FAM234A: variants seen among roughly 807,000 people sequenced by gnomAD.
The protein encoded by FAM234A is family with sequence similarity 234 member A, also known as protein FAM234A.
Under a neutral mutation model 49.1 loss-of-function variants are expected in FAM234A, and 42 were observed. The ratio of observed to expected loss-of-function variants is 0.86; its 90% CI spans 0.67 to 1.11. FAM234A has a LOEUF of 1.11. Ranked by LOEUF, FAM234A falls within the 50% of genes least tolerant of loss-of-function variation. The pLI is 0.00. For missense variants in FAM234A, 815 were observed against 745.2 expected, an observed-to-expected ratio of 1.09 and a Z score of -1.09; for synonymous variants, 369 against 316.2, an observed-to-expected ratio of 1.17 and a Z score of -1.77.
intron 9 of FAM234A, 74 bp downstream of exon 9, chr16:263,476 C>T (rs548256487): frequency 1.3e-5 from 21 of 1,573,514 alleles, no homozygotes; most frequent in African/African-American, 5.4e-5. Context: ...CGTTGGCTGG[C>T]GAGGAGACAG....
chr16:257,394 C>T lies in FAM234A; in HGVS notation c.269-2089C>T, dbSNP rs542802757. ...CCAAGTAGCTGGGATTACAGGTGCC[C>T]GCCTCCATGCCTGGCTAATGTATGT... On this transcript the variant is annotated intron_variant, in intron 3 of 12. Transcript: ENST00000399932. Among the ~76,000 whole-genome samples the T allele has an allele frequency of 2.0e-4, 30 of 151,484 alleles. No individual in the cohort carries two copies. The East Asian group carries it at 2.3e-3, about 12-fold the overall frequency.
intron 7 of FAM234A, 53 bp from the exon 8 acceptor site, chr16:262,371 C>A: frequency 6.4e-7 from 1 of 1,558,306 alleles, no homozygotes; most frequent in South Asian, 1.2e-5. Context: ...TGCCCCTGGT[C>A]CGGGTTCACA....
At chr16:257,400 C>T (rs1408835397) in intron 3 of FAM234A, among the ~76,000 whole-genome samples, 1 of 151,746 alleles carries the variant, frequency 6.6e-6, no homozygotes, top group African/African-American at 2.4e-5. Context: ...TGCCCGCCTC[C>T]ATGCCTGGCT....
intron 10 of FAM234A, 86 bp from the exon 11 acceptor site, chr16:263,930 G>T: frequency 6.7e-7 from 1 of 1,489,524 alleles, no homozygotes; most frequent in South Asian, 1.2e-5. Context: ...GGGCTGGCAT[G>T]GCTGAGGGCA....
chr16:268,790 A>G (rs2051785796), downstream of FAM234A: 4 of 1,550,118 alleles, frequency 2.6e-6, no homozygotes, highest in Non-Finnish European at 2.6e-6. Flanking sequence ...ACACTGGGCG[A>G]CAGCGGAGAG....
Position 262,516 on chromosome 16 carries a change from A to C in FAM234A, c.934A>C (p.Met312Leu), listed in dbSNP as rs775331747. Residue 312 changes from methionine (M) to leucine (L), a missense_variant, in exon 8 of 13, where the codon ATG (methionine) becomes CTG (leucine). Physicochemically the swap from Met to Leu is conservative, Grantham distance 15 (BLOSUM62 2). Transcript: ENST00000399932. ...CAAGAGTGACCCGCACTGGGAGAGC[A>C]TGCTCAATGCCACCACCCGCAGGAT... ...PFKSDPHWES[M>L]LNATTRRMLS... is the part of the protein sequence containing the mutation. The C allele has an allele frequency of 1.3e-5, 21 of 1,611,220 alleles. No individual in the cohort carries two copies. In the Admixed American group the frequency reaches 2.7e-4, roughly 21 times the overall value.
chr16:245,969 G>A (rs2141216351), intron 1 of FAM234A, among the ~76,000 whole-genome samples: 1 of 152,128 alleles, frequency 6.6e-6, no homozygotes, highest in Admixed American at 6.6e-5. Context: ...CACTTTGAGA[G>A]GCTTAGGTGG....
chr16:237,850 C>T (rs1036849181), intron 1 of FAM234A, among the ~76,000 whole-genome samples: 1 of 151,092 alleles, frequency 6.6e-6, no homozygotes, highest in Non-Finnish European at 1.5e-5. Context: ...ACTACAAGCA[C>T]GTACTACCAC....
chr16:239,829 A>G (rs2050550531), intron 1 of FAM234A, among the ~76,000 whole-genome samples: 2 of 152,138 alleles, frequency 1.3e-5, no homozygotes, highest in Non-Finnish European at 2.9e-5. Flanking sequence ...AGTTCTGCAA[A>G]GGAAAGGAAC....
intron 2 of FAM234A, among the ~76,000 whole-genome samples, chr16:252,178 G>GTTTTTTTTTT (rs1368906456): frequency 7.9e-6 from 1 of 126,060 alleles, no homozygotes; most frequent in Admixed American, 8.0e-5. Flanking sequence ...CTGTTTTTCT[G>GTTTTTTTTTT]TTTTTTGTTT....
intron 2 of FAM234A, among the ~76,000 whole-genome samples, chr16:250,559 A>G (rs2050964752): frequency 6.6e-6 from 1 of 152,190 alleles, no homozygotes; most frequent in Non-Finnish European, 1.5e-5. Flanking sequence ...CTTAAGCCTC[A>G]GCACCTAGGA....
chr16:264,616 G>T lies in FAM234A; in HGVS notation c.1347G>T (p.Glu449Asp), dbSNP rs751199077. The change falls in exon 12 of 13, where the codon GAG becomes GAT. Residue 449 changes from glutamate to aspartate, a missense_variant and splice_region_variant. Glu to Asp is a conservative substitution (Grantham distance 45). Transcript: ENST00000399932. Reference protein sequence around the residue: ...LHELGSTSETETGEARHSLYM... With the variant: ...LHELGSTSETDTGEARHSLYM... ...CCCATTGCTGGTTCTCGCTCCAGGA[G>T]ACCGGGGAGGCCCGGCACAGCCTGT... 1.9e-6 allele frequency: 3 copies of T among 1,607,670 alleles called. No homozygotes were observed. The South Asian group carries it at 3.3e-5, about 18-fold the overall frequency.
downstream of FAM234A, among the ~76,000 whole-genome samples, chr16:266,636 C>T (rs2051701184): frequency 1.3e-5 from 2 of 152,220 alleles, no homozygotes; most frequent in South Asian, 2.1e-4. Flanking sequence ...CAGGTGTAAC[C>T]TTGTTCCCAT....
chr16:256,224 G>T (rs1229546904), intron 3 of FAM234A, among the ~76,000 whole-genome samples: 3 of 152,216 alleles, frequency 2.0e-5, no homozygotes, highest in Non-Finnish European at 4.4e-5. Flanking sequence ...AGATTGCTAG[G>T]AGTGGAATTG....
intron 1 of FAM234A, among the ~76,000 whole-genome samples, chr16:247,607 T>G (rs892979760): frequency 1.3e-5 from 2 of 151,670 alleles, no homozygotes; most frequent in Admixed American, 1.3e-4. Flanking sequence ...AATTTTTGTA[T>G]TTTTTAGTAG....
At position 254,703 on chromosome 16, in the gene FAM234A, C is replaced by CA. The variant is rs780076031; in HGVS notation, c.268+23dup. ...GCTGGTGAGCCTCGGCTTCCCCGCC[C>CA]AGTGGGGTCCAAAGCAGCTCTTCCC... On this transcript the variant is annotated intron_variant, in intron 3 of 12. Transcript: ENST00000399932. The CA allele has an allele frequency of 3.1e-6, 5 of 1,610,826 alleles. No individual in the cohort carries two copies. The Admixed American group carries it at 8.4e-5, about 27-fold the overall frequency.
intron 1 of FAM234A, among the ~76,000 whole-genome samples, chr16:237,545 G>A (rs2142184889): frequency 6.6e-6 from 1 of 152,150 alleles, no homozygotes; most frequent in South Asian, 2.1e-4. Flanking sequence ...CAAGGCTAGT[G>A]ACTGGAAGCC....
chr16:263,584 G>A (rs1291642648), intron 9 of FAM234A, 116 bp from the exon 10 acceptor site: 18 of 1,266,534 alleles, frequency 1.4e-5, no homozygotes, highest in Admixed American at 1.3e-4. Context: ...CGTGTCCTGG[G>A]CCCTGGTCCA....
rs758341185 is a variant in FAM234A at position 263,717 on chromosome 16, G to T, written c.1130G>T (p.Arg377Leu). The change falls in exon 10 of 13, where the codon CGC becomes CTC. Residue 377 changes from arginine to leucine, a missense_variant. Arg to Leu is a moderately radical substitution (Grantham distance 102). Transcript: ENST00000399932. ...TGTTCCAGAAAACCCATCTTCGGCC[G>T]CTACAAACCAGACACCTTGGCTGTA... Reference protein sequence around the residue: ...AHVLRKPIFGRYKPDTLAVAV... With the variant: ...AHVLRKPIFGLYKPDTLAVAV... The T allele has an allele frequency of 6.2e-7, 1 of 1,613,800 alleles. No individual in the cohort carries two copies. Among genetic ancestry groups the T allele is most frequent in the Non-Finnish European group, 8.5e-7 (1 of 1,179,838 alleles).
Sources: gnomAD v4.1 joint callset for allele counts (sites outside exome capture counted in the v4.1 genomes callset) on GRCh38, gnomAD v4.1.1 for gene constraint, MANE v1.5 for transcripts, NCBI Gene and HGNC (gene_info 2026-07-23, HGNC 2026-07-21) for gene names.